Variants in ITPKB observed in about 807,000 individuals in gnomAD.
ITPKB encodes the protein inositol-trisphosphate 3-kinase B.
A neutral mutation model predicts 69.4 loss-of-function variants in ITPKB; 13 were observed. The ratio of observed to expected loss-of-function variants is 0.19; its 90% CI spans 0.12 to 0.30. The LOEUF (loss-of-function observed/expected upper bound fraction) is 0.30, where lower values mean the gene tolerates loss of function less well. Among genes scored for constraint, ITPKB ranks in the 10% least tolerant of loss-of-function variants. ITPKB has a pLI of 1.00. For missense variants in ITPKB, 1,240 were observed against 1,250.5 expected, an observed-to-expected ratio of 0.99 and a Z score of 0.13; for synonymous variants, 584 against 513.7, an observed-to-expected ratio of 1.14 and a Z score of -1.85.
chr1:226,665,558 C>T (rs762126156), intron 2 of ITPKB, among the ~76,000 whole-genome samples: 12 of 152,118 alleles, frequency 7.9e-5, no homozygotes, highest in Admixed American at 4.6e-4. Context: ...CAAGACAAAA[C>T]GGGCCTCTCT....
intron 2 of ITPKB, among the ~76,000 whole-genome samples, chr1:226,724,796 C>T (rs902202759): frequency 1.7e-4 from 26 of 152,194 alleles, no homozygotes; most frequent in African/African-American, 5.5e-4. Context: ...GGGGTCCTCC[C>T]GAGAGCATAG....
chr1:226,725,001 C>G (rs1571876776), intron 2 of ITPKB, among the ~76,000 whole-genome samples: 2 of 152,352 alleles, frequency 1.3e-5, no homozygotes, highest in South Asian at 4.1e-4. Flanking sequence ...ACCTTTACCC[C>G]AGACTCCTTC....
chr1:226,640,727 C>A (rs1230211341), intron 5 of ITPKB, among the ~76,000 whole-genome samples: 2 of 152,034 alleles, frequency 1.3e-5, no homozygotes, highest in Non-Finnish European at 2.9e-5. Flanking sequence ...GAATTTGCAT[C>A]CAGTCTCAGA....
intron 3 of ITPKB, among the ~76,000 whole-genome samples, chr1:226,648,036 G>C (rs1335881999): frequency 6.6e-6 from 1 of 152,234 alleles, no homozygotes; most frequent in Admixed American, 6.5e-5. Flanking sequence ...AGATGACAGT[G>C]CTTCCAGAGG....
chr1:226,710,308 G>T (rs1255581760), intron 2 of ITPKB, among the ~76,000 whole-genome samples: 1 of 152,152 alleles, frequency 6.6e-6, no homozygotes, highest in Non-Finnish European at 1.5e-5. Context: ...AGAAACTGCA[G>T]ATAGCAATGA....
chr1:226,689,688 GGTTT>G (rs1656303696), intron 2 of ITPKB, among the ~76,000 whole-genome samples: 1 of 151,100 alleles, frequency 6.6e-6, no homozygotes, highest in Non-Finnish European at 1.5e-5. Context: ...TTGTCATGGG[GGTTT>G]GTTTTACAGA....
intron 5 of ITPKB, among the ~76,000 whole-genome samples, chr1:226,640,085 C>T (rs1463395200): frequency 6.6e-6 from 1 of 152,196 alleles, no homozygotes; most frequent in East Asian, 1.9e-4. Context: ...AGGCACCTCC[C>T]CTCAGCACAG....
intron 2 of ITPKB, among the ~76,000 whole-genome samples, chr1:226,719,868 T>C (rs1237921303): frequency 6.6e-6 from 1 of 152,240 alleles, no homozygotes; most frequent in East Asian, 1.9e-4. Context: ...AGATCTGCCC[T>C]TCTCCCTGTG....
intron 5 of ITPKB, among the ~76,000 whole-genome samples, chr1:226,640,152 T>A (rs1668928472): frequency 6.6e-6 from 1 of 152,058 alleles, no homozygotes; most frequent in African/African-American, 2.4e-5. Context: ...TAATCTACCA[T>A]CTCTTCTTTC....
intron 2 of ITPKB, among the ~76,000 whole-genome samples, chr1:226,719,376 C>A (rs562731442): frequency 6.6e-6 from 1 of 152,314 alleles, no homozygotes; most frequent in Admixed American, 6.5e-5. Flanking sequence ...GCTGACTTAC[C>A]GTGCCCTGTG....
chr1:226,718,245 G>T (rs938664813), intron 2 of ITPKB, among the ~76,000 whole-genome samples: 5 of 143,298 alleles, frequency 3.5e-5, no homozygotes, highest in African/African-American at 1.3e-4. Flanking sequence ...AGTGAGCCAA[G>T]ATCGCACCAC....
intron 2 of ITPKB, among the ~76,000 whole-genome samples, chr1:226,667,860 G>A (rs1033588145): frequency 2.6e-5 from 4 of 152,096 alleles, no homozygotes; most frequent in Admixed American, 6.5e-5. Flanking sequence ...GTGTGCGCGC[G>A]CGCGTGCGAA....
chr1:226,731,098 C>T lies in ITPKB; in HGVS notation c.1932+4429G>A, dbSNP rs564779753. Among the ~76,000 whole-genome samples the T allele has an allele frequency of 6.6e-5, 10 of 152,270 alleles. No homozygotes were observed. In the South Asian group the frequency reaches 2.1e-3, roughly 32 times the overall value. On this transcript the variant is annotated intron_variant, in intron 2 of 7. Coordinates refer to ENST00000429204, the MANE Select transcript of ITPKB (RefSeq NM_002221.4). ...TTTACTTGAAAATGTTTTAAGCTGG[C>T]TGAATACTTTTATCTTTGATAAGAC...
chr1:226,711,436 AGAGAGAGTGTGTGTGTGT>A (rs1421178240), intron 2 of ITPKB, among the ~76,000 whole-genome samples: 1 of 132,212 alleles, frequency 7.6e-6, no homozygotes, highest in Non-Finnish European at 1.7e-5. Context: ...AGAGAGAGAG[AGAGAGAGTGTGTGTGTGT>A]GTGTGTGTGT....
intron 2 of ITPKB, among the ~76,000 whole-genome samples, chr1:226,691,877 G>C (rs1440464413): frequency 6.6e-6 from 1 of 152,104 alleles, no homozygotes; most frequent in African/African-American, 2.4e-5. Flanking sequence ...GCTCTGTGTT[G>C]CGTGGGCCCT....
intron 2 of ITPKB, among the ~76,000 whole-genome samples, chr1:226,669,956 C>G (rs976071067): frequency 4.0e-5 from 6 of 151,350 alleles, no homozygotes; most frequent in Non-Finnish European, 7.4e-5. Flanking sequence ...TCACTGCAAC[C>G]TCCGCCTCCA....
chr1:226,641,400 A>G lies in ITPKB; in HGVS notation c.2451+521T>C, dbSNP rs1247177560. Reference sequence around the variant, plus strand: ...ATTACATTTACTTATAAAGTTTGTCATGTTGTTTCTTTGGAGCTTATGTTT... The same window carrying G: ...ATTACATTTACTTATAAAGTTTGTCGTGTTGTTTCTTTGGAGCTTATGTTT... On this transcript the variant is annotated intron_variant, in intron 5 of 7. Coordinates refer to ENST00000429204, the MANE Select transcript of ITPKB (RefSeq NM_002221.4). The surrounding 1 kb of genome is among the most constrained non-coding windows in gnomAD (Gnocchi z 4.6). Among the ~76,000 whole-genome samples, 1 of 152,238 alleles carries G rather than the reference A, an allele frequency of 6.6e-6. No individual in the cohort carries two copies. The highest frequency in any genetic ancestry group is 1.5e-5 in the Non-Finnish European group (1 of 68,040).
chr1:226,692,537 C>G (rs1213626091), intron 2 of ITPKB, among the ~76,000 whole-genome samples: 1 of 152,166 alleles, frequency 6.6e-6, no homozygotes, highest in East Asian at 1.9e-4. Context: ...CATAAACCAC[C>G]AGGTCCAATT....
intron 4 of ITPKB, among the ~76,000 whole-genome samples, chr1:226,645,022 T>C (rs1215327716): frequency 1.3e-5 from 2 of 152,238 alleles, no homozygotes; most frequent in African/African-American, 4.8e-5. Flanking sequence ...CAAGCAAGCC[T>C]GGTGCAGAAC....
Sources: allele counts gnomAD v4.1 joint callset (sites outside exome capture counted in the v4.1 genomes callset), GRCh38; gene constraint gnomAD v4.1.1; non-coding constraint Gnocchi (gnomAD v3.1); transcripts MANE v1.5; gene names NCBI Gene and HGNC (gene_info 2026-07-23, HGNC 2026-07-21).